Variants in LIMCH1 observed in about 807,000 individuals in gnomAD.
LIMCH1 encodes the protein LIM and calponin homology domains 1.
Under a neutral mutation model 176.5 loss-of-function variants are expected in LIMCH1, and 113 were observed. The ratio of observed to expected loss-of-function variants is 0.64; its 90% CI spans 0.55 to 0.75. The LOEUF is 0.75. Ranked by LOEUF, LIMCH1 falls within the 30% of genes least tolerant of loss-of-function variation. The pLI is 0.00. For synonymous variants in LIMCH1, 619 were observed against 645.9 expected (o/e 0.96, Z 0.63); for missense variants, 1,674 against 1,814.9 (o/e 0.92, Z 1.41).
chr4:41,510,409 C>G (rs2074738313), intron 2 of LIMCH1, among the ~76,000 whole-genome samples: 1 of 152,174 alleles, frequency 6.6e-6, no homozygotes, highest in Non-Finnish European at 1.5e-5. Context: ...TTTAGTAGCT[C>G]TAATTGTATT....
intron 1 of LIMCH1, among the ~76,000 whole-genome samples, chr4:41,362,220 C>T (rs2052214544): frequency 6.6e-6 from 1 of 152,222 alleles, no homozygotes; most frequent in South Asian, 2.1e-4. Context: ...AGTATAGAAA[C>T]ATCTGTTTGA....
chr4:41,549,832 CAGAT>C lies in LIMCH1; in HGVS notation c.-241+11486_-241+11489del, dbSNP rs912027091. On this transcript the variant is annotated intron_variant, in intron 1 of 31. Transcript: ENST00000503057. The stretch of plus-strand genomic sequence containing the variant: ...ATTTTGCTAGATTTACTTGAAGAAA[CAGAT>C]AGAAATCATTCTGTAATCAACACGA... Among the ~76,000 whole-genome samples, 780 of 152,144 alleles carry C rather than the reference CAGAT, an allele frequency of 5.1e-3. 6 individuals carry two copies. The highest frequency in any genetic ancestry group is 0.017 in the African/African-American group (715 of 41,528).
chr4:41,400,913 T>A (rs1372614783), intron 1 of LIMCH1, among the ~76,000 whole-genome samples: 5 of 152,178 alleles, frequency 3.3e-5, no homozygotes, highest in African/African-American at 1.2e-4. Flanking sequence ...TTGAGTTCAT[T>A]GTAGATTCTG....
chr4:41,518,897 T>C (rs1162117234), intron 2 of LIMCH1, among the ~76,000 whole-genome samples: 1 of 133,332 alleles, frequency 7.5e-6, no homozygotes, highest in Non-Finnish European at 1.5e-5. Flanking sequence ...TCCATGTCCC[T>C]GCAAAGGACA....
intron 12 of LIMCH1, 117 bp from the exon 13 acceptor site, chr4:41,633,431 C>A: frequency 8.1e-7 from 1 of 1,233,982 alleles, no homozygotes; most frequent in Non-Finnish European, 1.1e-6. Flanking sequence ...CTCTGTGTGC[C>A]GCTGCCTCCA....
intron 1 of LIMCH1, among the ~76,000 whole-genome samples, chr4:41,541,976 G>A (rs957225845): frequency 2.0e-5 from 3 of 152,112 alleles, no homozygotes; most frequent in Admixed American, 6.5e-5. Flanking sequence ...CCCCAGGTCC[G>A]ACATCTGAAA....
At chr4:41,514,121 A>C (rs1377153942) in intron 2 of LIMCH1, among the ~76,000 whole-genome samples, 2 of 148,868 alleles carry the variant, frequency 1.3e-5, no homozygotes, top group African/African-American at 4.9e-5. Context: ...TGATGTTTTG[A>C]GTCCTTCCCA....
Position 41,646,988 on chromosome 4 carries a change from C to T in LIMCH1, c.2820+95C>T, listed in dbSNP as rs186695192. On this transcript the variant is annotated intron_variant, in intron 17 of 31. Transcript: ENST00000503057. ...CTCAAGAAAATGTCATTCTTTTTACCATACAAAAGAAAAATGTGTTGACAT... is the reference window on the plus strand; with the variant it reads ...CTCAAGAAAATGTCATTCTTTTTACTATACAAAAGAAAAATGTGTTGACAT... The T allele has an allele frequency of 3.1e-4, 370 of 1,187,036 alleles. 1 individual carries two copies. The African/African-American group carries it at 4.9e-3, about 16-fold the overall frequency. The allele number at this position is 1,187,036 out of a possible 1,614,324, so 73.5% of individuals were successfully genotyped here. A position where few individuals can be genotyped will look rare whatever the true frequency, so the allele number is the denominator to read the frequency against.
intron 1 of LIMCH1, among the ~76,000 whole-genome samples, chr4:41,470,825 C>G (rs531576232): frequency 6.6e-6 from 1 of 151,990 alleles, no homozygotes; most frequent in Non-Finnish European, 1.5e-5. Context: ...GGCCTCTGAC[C>G]GCATATTTCG....
intron 1 of LIMCH1, among the ~76,000 whole-genome samples, chr4:41,491,082 A>G (rs13146171): frequency 7.9e-6 from 1 of 126,328 alleles, no homozygotes; most frequent in African/African-American, 3.1e-5. Context: ...CTTCCCAGAC[A>G]GGGTGGTGGC....
intron 30 of LIMCH1, among the ~76,000 whole-genome samples, chr4:41,690,868 C>T (rs895836869): frequency 1.3e-5 from 2 of 152,136 alleles, no homozygotes; most frequent in African/African-American, 4.8e-5. Context: ...CCACAAAGGA[C>T]AAGCAAAAAT....
intron 1 of LIMCH1, among the ~76,000 whole-genome samples, chr4:41,445,535 G>A (rs1410604537): frequency 1.3e-5 from 2 of 152,170 alleles, no homozygotes; most frequent in African/African-American, 2.4e-5. Context: ...AATGAAAATT[G>A]CAACTGAAGC....
intron 1 of LIMCH1, among the ~76,000 whole-genome samples, chr4:41,480,346 C>G (rs1030123430): frequency 6.6e-6 from 1 of 152,198 alleles, no homozygotes; most frequent in Non-Finnish European, 1.5e-5. Flanking sequence ...CAGTGGCTCA[C>G]TCCTGTAATC....
At chr4:41,635,571 A>T (rs1427993117) in intron 13 of LIMCH1, among the ~76,000 whole-genome samples, 2 of 152,130 alleles carry the variant, frequency 1.3e-5, no homozygotes, top group African/African-American at 2.4e-5. Flanking sequence ...TTATTTTCAC[A>T]TGGGAATGGA....
intron 24 of LIMCH1, among the ~76,000 whole-genome samples, 185 bp downstream of exon 24, chr4:41,680,283 A>G (rs1218649388): frequency 6.6e-6 from 1 of 152,226 alleles, no homozygotes; most frequent in Non-Finnish European, 1.5e-5. Context: ...AATTCCTCAC[A>G]AATACAGTTC....
At position 41,559,876 on chromosome 4, in the gene LIMCH1, G is replaced by A. The variant is rs550132470; in HGVS notation, c.-241+21526G>A. Among the ~76,000 whole-genome samples, 12 of 152,040 alleles carry A rather than the reference G, an allele frequency of 7.9e-5. No individual in the cohort carries two copies. In the South Asian group the frequency reaches 2.5e-3, roughly 32 times the overall value. On this transcript the variant is annotated intron_variant, in intron 1 of 31. Coordinates refer to ENST00000503057, the MANE Select transcript of LIMCH1 (RefSeq NM_001330672.2). The stretch of plus-strand genomic sequence containing the variant: ...CACCTCTGTCTATCATTTTTCTCTT[G>A]ACAACTCTGCTTGCTCTTTTCTTTT...
At chr4:41,612,310 A>G in intron 4 of LIMCH1, 2 of 519,582 alleles carry the variant, frequency 3.8e-6, no homozygotes, top group Admixed American at 3.3e-5. Context: ...AGTTTAGACC[A>G]GTTTCCAAAA....
chr4:41,441,208 ATAGTAATC>A (rs965351716), intron 1 of LIMCH1, among the ~76,000 whole-genome samples: 2 of 152,224 alleles, frequency 1.3e-5, no homozygotes, highest in African/African-American at 4.8e-5. Flanking sequence ...TCTTAGTTTT[ATAGTAATC>A]AATGAAAAAT....
Position 41,626,989 on chromosome 4 carries a change from A to G in LIMCH1, c.1007A>G (p.Lys336Arg), listed in dbSNP as rs1489871677. 2.6e-6 allele frequency: 4 copies of G among 1,534,536 alleles called. No homozygotes were observed. Among genetic ancestry groups the G allele is most frequent in the African/African-American group, 1.4e-5 (1 of 71,968 alleles). The change falls in exon 8 of 32, where the codon AAA (lysine) becomes AGA (arginine). Residue 336 changes from lysine (K) to arginine (R), a missense_variant. Around this residue, in one of 3 missense-constraint regions of LIMCH1, gnomAD observed 655 missense variants for 692.2 expected, o/e 0.95. Coordinates refer to ENST00000503057, the MANE Select transcript of LIMCH1 (RefSeq NM_001330672.2). Reference protein sequence around the residue: ...SKQLSKGISKKRSLEYKRNQG... With the variant: ...SKQLSKGISKRRSLEYKRNQG... ...CAGCTCTCAAAGGGAATCTCAAAAA[A>G]AAGAAGTCTAGAATATAAAAGGTGT...
Sources: gnomAD v4.1 joint callset for allele counts (sites outside exome capture counted in the v4.1 genomes callset) on GRCh38, gnomAD v4.1.1 for gene constraint, gnomAD v4.1.1 regional missense constraint, MANE v1.5 for transcripts, NCBI Gene and HGNC (gene_info 2026-07-23, HGNC 2026-07-21) for gene names.